CD163L1: variants seen among roughly 807,000 people sequenced by gnomAD.
CD163L1 encodes the protein scavenger receptor cysteine-rich type 1 protein M160.
Under a neutral mutation model 165.4 loss-of-function variants are expected in CD163L1, and 124 were observed. The ratio of observed to expected loss-of-function variants is 0.75; its 90% CI spans 0.65 to 0.87. The LOEUF is 0.87. CD163L1 is among the 40% of genes least tolerant of loss of function. The pLI is 0.00. For missense variants in CD163L1, 1,525 were observed against 1,799.9 expected (o/e 0.85, Z 2.76); for synonymous variants, 585 against 662.2 (o/e 0.88, Z 1.79).
chr12:7,324,267 T>C, the CD163L1 span: 1 of 1,611,444 alleles, frequency 6.2e-7, no homozygotes, highest in Non-Finnish European at 8.5e-7. Context: ...CATCCTTGGT[T>C]CCCAGGACAA....
chr12:7,366,394 A>C (rs980381832), intron 18 of CD163L1, among the ~76,000 whole-genome samples: 1 of 152,178 alleles, frequency 6.6e-6, no homozygotes, highest in Admixed American at 6.5e-5. Flanking sequence ...AGAATAATTC[A>C]GATGTTTCTG....
At chr12:7,325,828 A>G in the CD163L1 span, among the ~76,000 whole-genome samples, 6 of 152,190 alleles carry the variant, frequency 3.9e-5, no homozygotes, top group African/African-American at 1.4e-4. Flanking sequence ...ACAAGTGACA[A>G]AATTTCAAAA....
At chr12:7,423,810 C>A (rs1396432625) in intron 4 of CD163L1, among the ~76,000 whole-genome samples, 1 of 152,050 alleles carries the variant, frequency 6.6e-6, no homozygotes, top group Non-Finnish European at 1.5e-5. Context: ...AGACCAATAA[C>A]AAGTTCTGAA....
chr12:7,319,953 ATAAT>A, the CD163L1 span, among the ~76,000 whole-genome samples: 3 of 152,348 alleles, frequency 2.0e-5, no homozygotes, highest in South Asian at 6.2e-4. Flanking sequence ...CTTTCTAAAA[ATAAT>A]TAGACTCTGC....
At chr12:7,320,706 GTCTT>G in the CD163L1 span, 321 of 1,600,942 alleles carry the variant, frequency 2.0e-4, 1 homozygote, top group African/African-American at 3.4e-3. Flanking sequence ...TGACATCTGT[GTCTT>G]TCTCCATCAT....
chr12:7,406,994 G>T, intron 4 of CD163L1, 142 bp from the exon 5 acceptor site: 2 of 780,978 alleles, frequency 2.6e-6, no homozygotes, highest in Non-Finnish European at 4.0e-6. Flanking sequence ...TAAAATTCTT[G>T]TACAAGTTTA....
chr12:7,407,506 T>A (rs1467846775), intron 4 of CD163L1, among the ~76,000 whole-genome samples: 1 of 151,924 alleles, frequency 6.6e-6, no homozygotes, highest in African/African-American at 2.4e-5. Context: ...ATTCAAAGTC[T>A]CAGCCTTTCC....
chr12:7,388,388 A>C (rs1947566221), intron 8 of CD163L1, among the ~76,000 whole-genome samples: 1 of 152,204 alleles, frequency 6.6e-6, no homozygotes, highest in African/African-American at 2.4e-5. Flanking sequence ...CAGAGTGCTA[A>C]TATCCAGAAT....
chr12:7,422,012 G>C (rs1948449632), intron 4 of CD163L1, among the ~76,000 whole-genome samples: 1 of 152,080 alleles, frequency 6.6e-6, no homozygotes, highest in African/African-American at 2.4e-5. Context: ...ACTCCTAACA[G>C]GGATTGACAG....
intron 4 of CD163L1, among the ~76,000 whole-genome samples, chr12:7,410,791 C>T (rs1298313574): frequency 6.6e-6 from 1 of 151,504 alleles, no homozygotes; most frequent in Non-Finnish European, 1.5e-5. Flanking sequence ...GATCACACCA[C>T]TGCACTCCAG....
In CD163L1 at chr12:7,374,414, A is replaced by G. The variant is rs757748625; in HGVS notation, c.3409+28T>C. 1 of 1,584,434 alleles carries G rather than the reference A, an allele frequency of 6.3e-7. No homozygotes were observed. Among genetic ancestry groups the G allele is most frequent in the Admixed American group, 1.7e-5 (1 of 58,342 alleles). On this transcript the variant is annotated intron_variant, in intron 13 of 19. Transcript: ENST00000313599. The surrounding 1 kb of genome is among the most constrained non-coding windows in gnomAD (Gnocchi z 5.4). The stretch of plus-strand genomic sequence containing the variant: ...TGCAAGTGTGTGCACGTGTGTGTAG[A>G]GGAGGGTGAAAAGGTAGCAGCACAG...
intron 8 of CD163L1, among the ~76,000 whole-genome samples, chr12:7,389,454 A>G (rs1947597945): frequency 6.6e-6 from 1 of 152,204 alleles, no homozygotes; most frequent in African/African-American, 2.4e-5. Context: ...CTGGGATCTA[A>G]AAATCAAAAC....
chr12:7,335,378 A>G, the CD163L1 span, among the ~76,000 whole-genome samples: 5 of 152,248 alleles, frequency 3.3e-5, no homozygotes, highest in Admixed American at 1.3e-4. Context: ...CCTGACAAAA[A>G]CAAGCAATGG....
chr12:7,388,021 A>C (rs1300598420), intron 8 of CD163L1, among the ~76,000 whole-genome samples: 1 of 152,198 alleles, frequency 6.6e-6, no homozygotes, highest in African/African-American at 2.4e-5. Flanking sequence ...AAGAACATAC[A>C]TTGAGAGAAG....
intron 18 of CD163L1, 43 bp from the exon 19 acceptor site, chr12:7,357,529 C>T: frequency 6.4e-7 from 1 of 1,557,992 alleles, no homozygotes; most frequent in Non-Finnish European, 8.8e-7. Flanking sequence ...AGTAGAAAAC[C>T]TCTCTGCAGA....
At chr12:7,439,969 C>T in intron 2 of CD163L1, 1 of 1,562,998 alleles carries the variant, frequency 6.4e-7, no homozygotes, top group Non-Finnish European at 8.7e-7. Context: ...CACACTCGCT[C>T]CCTCCGCAGC....
chr12:7,421,775 T>TC (rs1948445069), intron 4 of CD163L1, among the ~76,000 whole-genome samples: 1 of 112,598 alleles, frequency 8.9e-6, no homozygotes, highest in Non-Finnish European at 1.8e-5. Context: ...ATATATTTTT[T>TC]CTTCTAAGTG....
intron 8 of CD163L1, among the ~76,000 whole-genome samples, chr12:7,393,789 G>A (rs1314027049): frequency 6.6e-6 from 1 of 152,116 alleles, no homozygotes; most frequent in Non-Finnish European, 1.5e-5. Flanking sequence ...CAGACAAACA[G>A]AGCCAAATCA....
chr12:7,369,719 AT>A lies in CD163L1; in HGVS notation c.3731-55del. 6.6e-7 allele frequency: 1 copy of A among 1,522,602 alleles called. No homozygotes were observed. The highest frequency in any genetic ancestry group is 8.9e-7 in the Non-Finnish European group (1 of 1,117,694). 94.3% of individuals were successfully genotyped at this position (1,522,602 alleles called of 1,614,324 possible). On this transcript the variant is annotated intron_variant, in intron 14 of 19. Transcript: ENST00000313599. This position sits in a 1 kb window ranked among gnomAD's most constrained non-coding sequence, Gnocchi z 4.9. ...TACTCCTGAAGGAGGTTGTGGGAGA[AT>A]GCTGAGGTAGAAAAACTTGAAAGTA...
Sources: gnomAD v4.1 joint callset for allele counts (sites outside exome capture counted in the v4.1 genomes callset) on GRCh38, gnomAD v4.1.1 for gene constraint, Gnocchi (gnomAD v3.1) non-coding constraint, MANE v1.5 for transcripts, NCBI Gene and HGNC (gene_info 2026-07-23, HGNC 2026-07-21) for gene names.